TXNRD2: variants seen among roughly 807,000 people sequenced by gnomAD.
TXNRD2 encodes the protein thioredoxin reductase 2.
In TXNRD2, 67 loss-of-function variants were observed where a neutral mutation model predicts 70.8. The ratio of observed to expected loss-of-function variants is 0.95; its 90% CI spans 0.78 to 1.16. TXNRD2 has a LOEUF of 1.16. Among genes scored for constraint, TXNRD2 ranks in the 50% most tolerant of loss-of-function variants. The pLI is 0.00. For synonymous variants in TXNRD2, 301 were observed against 295.8 expected, an observed-to-expected ratio of 1.02 and a Z score of -0.18; for missense variants, 644 against 719.9, an observed-to-expected ratio of 0.89 and a Z score of 1.21.
chr22:19,914,039 C>T (rs1256445809), intron 7 of TXNRD2, among the ~76,000 whole-genome samples: 2 of 152,142 alleles, frequency 1.3e-5, no homozygotes, highest in African/African-American at 2.4e-5. Flanking sequence ...ATCTGGTTTC[C>T]AAAGTTATCG....
intron 10 of TXNRD2, among the ~76,000 whole-genome samples, chr22:19,897,193 G>C (rs990006275): frequency 6.6e-5 from 10 of 152,122 alleles, no homozygotes; most frequent in African/African-American, 2.4e-4. Context: ...CGGGTGGAGG[G>C]ACACGTCTCT....
chr22:19,876,091 G>A (rs34207608), intron 17 of TXNRD2: 7,721 of 152,400 alleles, frequency 0.051, 199 homozygotes, highest in Non-Finnish European at 0.062. Context: ...TATCCCTATC[G>A]AGCGCGGCCC....
intron 2 of TXNRD2, among the ~76,000 whole-genome samples, chr22:19,928,633 C>G (rs1051686620): frequency 6.6e-6 from 1 of 152,170 alleles, no homozygotes; most frequent in Non-Finnish European, 1.5e-5. Context: ...TGAGCCATAT[C>G]CCCTCAAAAT....
At chr22:19,936,435 T>TG (rs1491523702) in intron 1 of TXNRD2, among the ~76,000 whole-genome samples, 1 of 147,104 alleles carries the variant, frequency 6.8e-6, no homozygotes, top group Non-Finnish European at 1.5e-5. Flanking sequence ...TTGTAGCTCC[T>TG]GCGGCCCCAA....
At chr22:19,922,815 T>C (rs1422423034) in intron 2 of TXNRD2, among the ~76,000 whole-genome samples, 1 of 152,164 alleles carries the variant, frequency 6.6e-6, no homozygotes, top group Non-Finnish European at 1.5e-5. Context: ...GCCTCCTGAA[T>C]AGCTGGGATT....
intron 9 of TXNRD2, among the ~76,000 whole-genome samples, chr22:19,898,505 T>C (rs2145977844): frequency 7.3e-6 from 1 of 137,596 alleles, no homozygotes; most frequent in East Asian, 2.2e-4. Flanking sequence ...GCCAGCGGCT[T>C]GGGGCTTTTT....
chr22:19,909,499 T>TCA (rs577457850), intron 8 of TXNRD2, among the ~76,000 whole-genome samples: 195 of 141,466 alleles, frequency 1.4e-3, no homozygotes, highest in African/African-American at 4.8e-3. Context: ...GACACACCAC[T>TCA]CACACACACA....
intron 5 of TXNRD2, 172 bp from the exon 6 acceptor site, chr22:19,916,015 T>C: frequency 3.1e-6 from 2 of 639,510 alleles, no homozygotes; most frequent in African/African-American, 1.8e-5. Flanking sequence ...ATGGAGGGGA[T>C]GTGGGGGCAC....
intron 2 of TXNRD2, among the ~76,000 whole-genome samples, chr22:19,921,414 C>CAAAAA (rs34252435): frequency 5.3e-5 from 4 of 75,444 alleles, no homozygotes; most frequent in Admixed American, 1.6e-4. Context: ...GACCCTGTCT[C>CAAAAA]AAAAAAAAAA....
intron 1 of TXNRD2, chr22:19,937,841 C>T (rs1941582620): frequency 1.3e-5 from 2 of 152,166 alleles, no homozygotes; most frequent in African/African-American, 4.8e-5. Context: ...GATGAAAATC[C>T]CTTGCCACAG....
chr22:19,925,738 G>T (rs376760604), intron 2 of TXNRD2, among the ~76,000 whole-genome samples: 17 of 151,850 alleles, frequency 1.1e-4, no homozygotes, highest in African/African-American at 3.6e-4. Flanking sequence ...ATGCTTAGAA[G>T]AAAACACAGG....
Position 19,883,385 on chromosome 22 carries a change from C to T in TXNRD2, c.1026G>A (p.Leu342=), listed in dbSNP as rs777442456. The stretch of plus-strand genomic sequence containing the variant: ...CAGAGGTGGCTTCCCGGGAGTCCAC[C>T]AGGATCTTCTGAGTGTCGGGGCTAG... ...VDTSPDTQKI[L]VDSREATSVP... is the part of the protein sequence containing the mutation. The change falls in exon 12 of 18, where the codon CTG becomes CTA. Residue 342 remains leucine (L), a synonymous_variant. Transcript: ENST00000400521. 6.2e-7 allele frequency: 1 copy of T among 1,614,064 alleles called. No individual in the cohort carries two copies. The highest frequency in any genetic ancestry group is 1.1e-5 in the South Asian group (1 of 91,088).
At chr22:19,886,502 A>C (rs1163431761) in intron 11 of TXNRD2, among the ~76,000 whole-genome samples, 2 of 152,270 alleles carry the variant, frequency 1.3e-5, no homozygotes, top group Non-Finnish European at 2.9e-5. Context: ...TGCTGTGAGC[A>C]GCAGGATGCA....
chr22:19,885,318 C>A (rs1349318411), intron 11 of TXNRD2, among the ~76,000 whole-genome samples: 1 of 152,240 alleles, frequency 6.6e-6, no homozygotes, highest in Non-Finnish European at 1.5e-5. Context: ...TGGGACAAAC[C>A]AGCTGCTGGC....
intron 1 of TXNRD2, 36 bp downstream of exon 1, chr22:19,941,665 G>T: frequency 6.9e-7 from 1 of 1,443,570 alleles, no homozygotes; most frequent in South Asian, 1.4e-5. Context: ...CGGCCGCGCG[G>T]ACACCTACCG....
chr22:19,908,245 G>A lies in TXNRD2; in HGVS notation c.662+3132C>T, dbSNP rs116883726. Among the ~76,000 whole-genome samples the A allele has an allele frequency of 5.6e-3, 848 of 152,174 alleles. 3 individuals are homozygous for A. The highest frequency in any genetic ancestry group is 0.01 in the Non-Finnish European group (705 of 67,996). On this transcript the variant is annotated intron_variant, in intron 8 of 17. Transcript: ENST00000400521. ...CACTGCCCAGGCCAGGGGTATGGGAGGAGAGGCTCCTTTCTGTTTTGTGTC... is the reference window on the plus strand; with the variant it reads ...CACTGCCCAGGCCAGGGGTATGGGAAGAGAGGCTCCTTTCTGTTTTGTGTC...
chr22:19,934,309 A>G (rs1022082735), intron 1 of TXNRD2, among the ~76,000 whole-genome samples: 3 of 148,090 alleles, frequency 2.0e-5, no homozygotes, highest in Non-Finnish European at 4.5e-5. Flanking sequence ...TGAACCCAGG[A>G]GTTCAAGGCT....
intron 11 of TXNRD2, among the ~76,000 whole-genome samples, chr22:19,889,285 C>A (rs370558257): frequency 6.6e-6 from 1 of 152,328 alleles, no homozygotes; most frequent in Admixed American, 6.5e-5. Context: ...CAGGAAGGAG[C>A]GTGCTCTGTG....
intron 8 of TXNRD2, among the ~76,000 whole-genome samples, chr22:19,902,496 G>A (rs952439131): frequency 7.2e-5 from 11 of 152,174 alleles, no homozygotes; most frequent in African/African-American, 2.7e-4. Flanking sequence ...CCCCTTGGAG[G>A]TCCTGCCAGC....
Sources: allele counts gnomAD v4.1 joint callset (sites outside exome capture counted in the v4.1 genomes callset), GRCh38; gene constraint gnomAD v4.1.1; transcripts MANE v1.5; gene names NCBI Gene and HGNC (gene_info 2026-07-23, HGNC 2026-07-21).